The following SLC35F3 variants were observed in gnomAD, a reference collection of about 807,000 sequenced individuals.
SLC35F3 encodes the protein putative thiamine transporter SLC35F3.
A neutral mutation model predicts 49.9 loss-of-function variants in SLC35F3; 25 were observed. The observed-to-expected ratio is 0.50, with a 90% CI of 0.37 to 0.70. The LOEUF is 0.70. Among genes scored for constraint, SLC35F3 ranks in the 30% least tolerant of loss-of-function variants. SLC35F3 has a pLI of 0.00. For synonymous variants in SLC35F3, 275 were observed against 265.4 expected (o/e 1.04, Z -0.35); for missense variants, 525 against 639.8 (o/e 0.82, Z 1.94).
At position 234,309,167 on chromosome 1, in the gene SLC35F3, CT is replaced by C; in HGVS notation, c.678del (p.Phe226LeufsTer16). The part of the protein sequence containing the change: ...LKVFFTKAAP[F>X]GVLWTLTNYL... ...AGGTGTTTTTTACCAAGGCAGCACC[CT>C]TTGGTGTTCTTTGGACACTCACAAA... On this transcript the variant is annotated frameshift_variant, in exon 4 of 8. Coordinates refer to ENST00000366618, the MANE Select transcript of SLC35F3 (RefSeq NM_173508.4). LOFTEE classifies it high-confidence loss of function. 1 of 1,614,208 alleles carries C rather than the reference CT, an allele frequency of 6.2e-7. No individual in the cohort carries two copies. The highest frequency in any genetic ancestry group is 8.5e-7 in the Non-Finnish European group (1 of 1,180,036).
At position 233,957,993 on chromosome 1, in the gene SLC35F3, C is replaced by T. The variant is rs1004202818; in HGVS notation, c.283+52235C>T. Among the ~76,000 whole-genome samples the T allele has an allele frequency of 4.6e-5, 7 of 152,080 alleles. No homozygotes were observed. Among genetic ancestry groups the T allele is most frequent in the Non-Finnish European group, 1.0e-4 (7 of 68,014 alleles). On this transcript the variant is annotated intron_variant, in intron 2 of 7. Coordinates refer to ENST00000366618, the MANE Select transcript of SLC35F3 (RefSeq NM_173508.4). This position sits in a 1 kb window ranked among gnomAD's most constrained non-coding sequence, Gnocchi z 4.0. ...GGACTTGATGACTAGACCGCTTTTC[C>T]AAATGTTAGGACTTTTCACTCCTTG...
intron 2 of SLC35F3, among the ~76,000 whole-genome samples, chr1:234,176,629 G>A (rs12096712): frequency 1.1e-4 from 17 of 152,108 alleles, no homozygotes; most frequent in African/African-American, 4.1e-4. Context: ...CAGCCAAGGT[G>A]GGCTGACAGG....
At chr1:234,037,486 C>T (rs948732249) in intron 2 of SLC35F3, among the ~76,000 whole-genome samples, 3 of 152,188 alleles carry the variant, frequency 2.0e-5, no homozygotes, top group African/African-American at 7.2e-5. Flanking sequence ...TATCACTATT[C>T]TGTTCACAAG....
rs754132191 is a variant in SLC35F3, at chr1:234,231,670, A to G, written c.537A>G (p.Leu179=). The change falls in exon 3 of 8, where the codon TTA becomes TTG. Residue 179 remains leucine, a synonymous_variant. Coordinates refer to ENST00000366618, the MANE Select transcript of SLC35F3 (RefSeq NM_173508.4). The surrounding 1 kb of genome is among the most constrained non-coding windows in gnomAD (Gnocchi z 5.4). ...GGTTTGCCACCAACTGGAACTTTTT[A>G]TTCTTCCCGTTGTACTACGTGGGGC... ...LTWFATNWNF[L]FFPLYYVGHV... is the part of the protein sequence containing the mutation. The G allele has an allele frequency of 6.2e-7, 1 of 1,613,944 alleles. No homozygotes were observed. Among genetic ancestry groups the G allele is most frequent in the Non-Finnish European group, 8.5e-7 (1 of 1,179,990 alleles).
intron 2 of SLC35F3, among the ~76,000 whole-genome samples, chr1:233,971,159 G>A (rs1662985224): frequency 6.6e-6 from 1 of 152,146 alleles, no homozygotes; most frequent in Admixed American, 6.5e-5. Context: ...TCTGACTGGG[G>A]TGCACACATA....
intron 2 of SLC35F3, among the ~76,000 whole-genome samples, chr1:234,093,010 G>A (rs571265007): frequency 1.3e-5 from 2 of 152,194 alleles, no homozygotes; most frequent in Non-Finnish European, 2.9e-5. Flanking sequence ...CTATAGGCAC[G>A]AAGTGGGTGA....
intron 2 of SLC35F3, among the ~76,000 whole-genome samples, chr1:234,070,126 C>A (rs1664691654): frequency 6.6e-6 from 1 of 152,206 alleles, no homozygotes; most frequent in Non-Finnish European, 1.5e-5. Context: ...TCAAGGCCAT[C>A]CTTTCTGCCC....
intron 3 of SLC35F3, among the ~76,000 whole-genome samples, chr1:234,255,626 A>G (rs919447591): frequency 6.6e-6 from 1 of 152,222 alleles, no homozygotes. Context: ...GACATTGAAC[A>G]ACCTTAAATG....
intron 2 of SLC35F3, among the ~76,000 whole-genome samples, chr1:234,157,306 C>A (rs1666169405): frequency 6.6e-6 from 1 of 152,048 alleles, no homozygotes; most frequent in Admixed American, 6.6e-5. Context: ...CTCCTGCAGT[C>A]GACTTTCCAC....
At chr1:233,999,749 GT>G (rs1213701737) in intron 2 of SLC35F3, among the ~76,000 whole-genome samples, 3 of 152,048 alleles carry the variant, frequency 2.0e-5, no homozygotes, top group African/African-American at 7.2e-5. Flanking sequence ...CGTATTTTCT[GT>G]TTGTGCTACC....
chr1:234,111,927 G>A (rs1665412982), intron 2 of SLC35F3, among the ~76,000 whole-genome samples: 1 of 152,226 alleles, frequency 6.6e-6, no homozygotes. Context: ...TCAGGATCCT[G>A]GGGGAGACAA....
At position 233,924,091 on chromosome 1, in the gene SLC35F3, T is replaced by G. The variant is rs542610048; in HGVS notation, c.283+18333T>G. 5.9e-5 allele frequency among the ~76,000 whole-genome samples: 9 copies of G among 152,342 alleles called. No individual in the cohort carries two copies. In the East Asian group the frequency reaches 1.7e-3, roughly 29 times the overall value. On this transcript the variant is annotated intron_variant, in intron 2 of 7. Coordinates refer to ENST00000366618, the MANE Select transcript of SLC35F3 (RefSeq NM_173508.4). ...TTGCATCGTTGTTCATCAGGAATAT[T>G]GGTCTAAAATTATCTTTTTTTGTTG...
chr1:234,179,225 G>A (rs1666522257), intron 2 of SLC35F3, among the ~76,000 whole-genome samples: 2 of 152,110 alleles, frequency 1.3e-5, no homozygotes, highest in South Asian at 2.1e-4. Flanking sequence ...AGAATTTTAG[G>A]GAATGTTCCA....
At chr1:234,140,895 C>T (rs1184070586) in intron 2 of SLC35F3, among the ~76,000 whole-genome samples, 1 of 152,166 alleles carries the variant, frequency 6.6e-6, no homozygotes, top group Admixed American at 6.5e-5. Context: ...CACCATTCTC[C>T]TGGGTTGGCA....
intron 2 of SLC35F3, among the ~76,000 whole-genome samples, chr1:234,072,611 T>C (rs780859500): frequency 1.2e-4 from 19 of 152,046 alleles, no homozygotes; most frequent in Non-Finnish European, 4.4e-5. Context: ...GATGTGAAGA[T>C]AATTGAACAG....
At chr1:234,229,844 A>T (rs567491451) in intron 2 of SLC35F3, among the ~76,000 whole-genome samples, 1 of 152,324 alleles carries the variant, frequency 6.6e-6, no homozygotes, top group Non-Finnish European at 1.5e-5. Flanking sequence ...CAATTGCATT[A>T]AGTTGTGGAA....
chr1:234,030,675 G>A (rs1262075234), intron 2 of SLC35F3, among the ~76,000 whole-genome samples: 1 of 152,078 alleles, frequency 6.6e-6, no homozygotes, highest in Non-Finnish European at 1.5e-5. Context: ...GCTGATATTT[G>A]ATTACTTTTT....
chr1:234,197,663 G>A (rs1273470080), intron 2 of SLC35F3, among the ~76,000 whole-genome samples: 1 of 152,238 alleles, frequency 6.6e-6, no homozygotes, highest in African/African-American at 2.4e-5. Context: ...CAGGGTAGAG[G>A]GTGGCAGCTC....
chr1:234,257,491 T>C (rs1376587720), intron 3 of SLC35F3, among the ~76,000 whole-genome samples: 1 of 152,248 alleles, frequency 6.6e-6, no homozygotes, highest in Non-Finnish European at 1.5e-5. Flanking sequence ...AATTGCCATG[T>C]ATTTGCACAC....
Sources: gnomAD v4.1 joint callset for allele counts (sites outside exome capture counted in the v4.1 genomes callset) on GRCh38, gnomAD v4.1.1 for gene constraint, Gnocchi (gnomAD v3.1) non-coding constraint, MANE v1.5 for transcripts, NCBI Gene and HGNC (gene_info 2026-07-23, HGNC 2026-07-21) for gene names.